NLGN1: variants seen among roughly 807,000 people sequenced by gnomAD.
The protein encoded by NLGN1 is neuroligin 1, also known as neuroligin-1.
Under a neutral mutation model 65.5 loss-of-function variants are expected in NLGN1, and 12 were observed. The ratio of observed to expected loss-of-function variants is 0.18; its 90% confidence interval spans 0.12 to 0.30. The LOEUF is 0.30. Ranked by LOEUF, NLGN1 falls within the 10% of genes least tolerant of loss-of-function variation. NLGN1 has a pLI of 1.00. For missense variants in NLGN1, 750 were observed against 1,007.1 expected (o/e 0.74, Z 3.46); for synonymous variants, 350 against 359.5 (o/e 0.97, Z 0.30).
At chr3:174,292,724 T>A in the NLGN1 span, among the ~76,000 whole-genome samples, 1 of 151,460 alleles carries the variant, frequency 6.6e-6, no homozygotes, top group African/African-American at 2.4e-5. Flanking sequence ...ATAATTTCAG[T>A]TGTCACTTGT....
intron 2 of NLGN1, among the ~76,000 whole-genome samples, chr3:173,582,899 G>T (rs1746621936): frequency 6.6e-6 from 1 of 151,832 alleles, no homozygotes; most frequent in Non-Finnish European, 1.5e-5. Flanking sequence ...GCATCTTTAG[G>T]TCTTTAACCC....
chr3:173,904,518 T>C (rs1416129784), intron 4 of NLGN1, among the ~76,000 whole-genome samples: 1 of 152,264 alleles, frequency 6.6e-6, no homozygotes, highest in East Asian at 1.9e-4. Flanking sequence ...GGTTTTTTTT[T>C]TTTCATTTAG....
intron 3 of NLGN1, among the ~76,000 whole-genome samples, chr3:173,664,749 C>T (rs183907344): frequency 2.6e-5 from 4 of 152,166 alleles, no homozygotes; most frequent in South Asian, 2.1e-4. Flanking sequence ...ATTACTGAGT[C>T]GCAGAGAAGT....
chr3:173,676,395 T>C (rs918628818), intron 3 of NLGN1, among the ~76,000 whole-genome samples: 1 of 152,238 alleles, frequency 6.6e-6, no homozygotes, highest in East Asian at 1.9e-4. Flanking sequence ...AAGTACCATA[T>C]GAAGAATTTT....
chr3:174,159,427 C>T (rs1726084424), intron 4 of NLGN1, among the ~76,000 whole-genome samples: 1 of 151,564 alleles, frequency 6.6e-6, no homozygotes. Context: ...TTCTAAGTGT[C>T]ATATTATATT....
rs114971140 is a variant in NLGN1 at position 174,201,396 on chromosome 3, A to G, written c.647-73919A>G. On this transcript the variant is annotated intron_variant, in intron 4 of 6. Coordinates refer to ENST00000457714, the Ensembl canonical transcript of NLGN1. ...GAAGGAAAGAAGGAAGGAAGGAAGG[A>G]AAGGGAAAGAAAGAAAAAAGAAATT... 7.9e-3 allele frequency among the ~76,000 whole-genome samples: 1,191 copies of G among 151,270 alleles called. 14 individuals are homozygous for G. Among genetic ancestry groups the G allele is most frequent in the African/African-American group, 0.023 (963 of 41,166 alleles).
At chr3:173,599,840 C>T (rs968084896) in intron 2 of NLGN1, among the ~76,000 whole-genome samples, 1 of 152,142 alleles carries the variant, frequency 6.6e-6, no homozygotes, top group Non-Finnish European at 1.5e-5. Context: ...ATTCCACAGA[C>T]ATGAGCAAAG....
At chr3:173,409,778 T>C (rs1712125699) in intron 1 of NLGN1, among the ~76,000 whole-genome samples, 1 of 152,216 alleles carries the variant, frequency 6.6e-6, no homozygotes, top group African/African-American at 2.4e-5. Context: ...CGCCATGTGA[T>C]ACTTGGCTAA....
chr3:173,544,242 G>C (rs372698858), intron 2 of NLGN1, among the ~76,000 whole-genome samples: 1 of 143,448 alleles, frequency 7.0e-6, no homozygotes, highest in Non-Finnish European at 1.5e-5. Context: ...AAGTAGTAAA[G>C]TACCAAGATT....
chr3:173,420,013 AAT>A (rs1054357030), intron 1 of NLGN1, among the ~76,000 whole-genome samples: 4 of 149,284 alleles, frequency 2.7e-5, no homozygotes, highest in Non-Finnish European at 5.9e-5. Flanking sequence ...AAAATAAAAT[AAT>A]AGTGACCCCT....
At chr3:173,516,737 G>T (rs1577064634) in intron 2 of NLGN1, among the ~76,000 whole-genome samples, 2 of 151,954 alleles carry the variant, frequency 1.3e-5, no homozygotes, top group Admixed American at 1.3e-4. Flanking sequence ...TATTTTCATG[G>T]TATTCTCTAT....
Position 173,832,334 on chromosome 3 carries a change from A to G in NLGN1, c.646+24502A>G, listed in dbSNP as rs145976207. Among the ~76,000 whole-genome samples, 302 of 152,322 alleles carry G rather than the reference A, an allele frequency of 2.0e-3. 2 individuals carry two copies. The highest frequency in any genetic ancestry group is 6.8e-3 in the African/African-American group (283 of 41,578). On this transcript the variant is annotated intron_variant, in intron 4 of 6. Coordinates refer to ENST00000457714, the Ensembl canonical transcript of NLGN1. ...CACAAAATTTCTCATGTTTCTTCCAATGCGTATCTACTATTCTATTATCAC... is the reference window on the plus strand; with the variant it reads ...CACAAAATTTCTCATGTTTCTTCCAGTGCGTATCTACTATTCTATTATCAC...
At chr3:173,968,729 T>C (rs530060447) in intron 4 of NLGN1, among the ~76,000 whole-genome samples, 1 of 129,116 alleles carries the variant, frequency 7.7e-6, no homozygotes, top group African/African-American at 3.0e-5. Flanking sequence ...GATGGAGCCT[T>C]CCTCTGTCGC....
chr3:174,270,804 G>A (rs921517640), intron 4 of NLGN1, among the ~76,000 whole-genome samples: 2 of 151,962 alleles, frequency 1.3e-5, no homozygotes, highest in African/African-American at 2.4e-5. Flanking sequence ...AGGAGAGTTA[G>A]CACATAGGAT....
chr3:174,159,723 G>C (rs1726145013), intron 4 of NLGN1, among the ~76,000 whole-genome samples: 1 of 151,696 alleles, frequency 6.6e-6, no homozygotes, highest in Non-Finnish European at 1.5e-5. Context: ...GGATTCCACA[G>C]TTTATTTGTA....
chr3:174,004,267 C>T (rs1723907461), intron 4 of NLGN1, among the ~76,000 whole-genome samples: 1 of 152,090 alleles, frequency 6.6e-6, no homozygotes, highest in African/African-American at 2.4e-5. Context: ...CAGATAATTT[C>T]CCATGAATTC....
intron 3 of NLGN1, among the ~76,000 whole-genome samples, chr3:173,608,615 G>A (rs1266842726): frequency 6.6e-6 from 1 of 151,784 alleles, no homozygotes; most frequent in Non-Finnish European, 1.5e-5. Context: ...CTTACCACTG[G>A]CTGCTAGTTA....
intron 2 of NLGN1, among the ~76,000 whole-genome samples, chr3:173,472,117 A>G (rs1216207249): frequency 2.0e-5 from 3 of 152,178 alleles, no homozygotes; most frequent in African/African-American, 7.2e-5. Context: ...AAGTCATTAT[A>G]TGTAAAGTAA....
chr3:173,509,475 T>C (rs1732572813), intron 2 of NLGN1, among the ~76,000 whole-genome samples: 1 of 152,084 alleles, frequency 6.6e-6, no homozygotes, highest in South Asian at 2.1e-4. Flanking sequence ...TAGCTGAGCA[T>C]GGTGGTGTGT....
Sources: gnomAD v4.1 joint callset for allele counts (sites outside exome capture counted in the v4.1 genomes callset) on GRCh38, gnomAD v4.1.1 for gene constraint, MANE v1.5 for transcripts, NCBI Gene and HGNC (gene_info 2026-07-23, HGNC 2026-07-21) for gene names.